The following SPG7 variants were observed in gnomAD, a reference collection of about 807,000 sequenced individuals.
The protein encoded by SPG7 is SPG7 matrix AAA peptidase subunit, paraplegin.
In SPG7, 103 loss-of-function variants were observed where a neutral mutation model predicts 81.9. That is an observed-to-expected ratio of 1.26 (90% confidence interval 1.07 to 1.48). SPG7 has a LOEUF of 1.48. SPG7 is among the 40% of genes most tolerant of loss of function. The pLI, the probability that SPG7 is intolerant of heterozygous loss-of-function variation, is 0.00. For missense variants in SPG7, 1,241 were observed against 1,087.3 expected (o/e 1.14, Z -1.99); for synonymous variants, 534 against 444.2 (o/e 1.20, Z -2.54).
chr16:89,555,436 AC>A (rs2058677479), intron 16 of SPG7: 1 of 156,620 alleles, frequency 6.4e-6, no homozygotes, highest in Non-Finnish European at 1.4e-5. Context: ...GCTCCCTGCC[AC>A]CCTGCCTCGC....
rs763745195 is a variant in SPG7 at position 89,529,571 on chromosome 16, A to G, written c.853A>G (p.Ser285Gly). Reference protein sequence around the residue: ...AGMTGREGGFSAFNQLKMARF... With the variant: ...AGMTGREGGFGAFNQLKMARF... ...GATGACTGGAAGGGAAGGTGGATTC[A>G]GTGCTTTTGTAAGTTCTGTAAATCA... The change falls in exon 6 of 17, where the codon AGT (serine) becomes GGT (glycine). Residue 285 changes from serine to glycine, a missense_variant. By Grantham distance (56) the Ser-to-Gly change is moderately conservative. Transcript: ENST00000645818. 9 of 1,611,494 alleles carry G rather than the reference A, an allele frequency of 5.6e-6. No individual in the cohort carries two copies. The South Asian group carries it at 9.9e-5, about 18-fold the overall frequency.
intron 10 of SPG7, chr16:89,544,988 C>T (rs1156822000): frequency 2.9e-5 from 18 of 614,130 alleles, no homozygotes; most frequent in Middle Eastern, 4.4e-4. Context: ...ATTGGCTGCA[C>T]GCCCCCTGGC....
In SPG7 at chr16:89,524,144, A is replaced by C; in HGVS notation, c.515A>C (p.His172Pro). The C allele has an allele frequency of 6.2e-7, 1 of 1,614,124 alleles. No homozygotes were observed. The highest frequency in any genetic ancestry group is 8.5e-7 in the Non-Finnish European group (1 of 1,180,028). ...AGCATTTCCTGGAACGACTTTGTCC[A>C]CGAGATGCTGGCCAAGGGCGAGGTG... Reference protein sequence around the residue: ...GGSISWNDFVHEMLAKGEVQR... With the variant: ...GGSISWNDFVPEMLAKGEVQR... Residue 172 changes from histidine (H) to proline (P), a missense_variant, in exon 4 of 17, where the codon CAC becomes CCC. Coordinates refer to ENST00000645818, the MANE Select transcript of SPG7 (RefSeq NM_003119.4).
intron 5 of SPG7, 117 bp from the exon 6 acceptor site, chr16:89,529,360 A>G (rs935741391): frequency 5.5e-6 from 4 of 730,882 alleles, no homozygotes; most frequent in African/African-American, 3.5e-5. Context: ...TCGGTCCCAG[A>G]CGTAGGGATT....
intron 9 of SPG7, chr16:89,541,146 TACGCAGAA>T (rs2058491043): frequency 2.1e-6 from 2 of 974,106 alleles, no homozygotes; most frequent in Admixed American, 6.7e-5. Context: ...CACGGTGTTC[TACGCAGAA>T]ATAGAAGAGC....
intron 9 of SPG7, among the ~76,000 whole-genome samples, chr16:89,535,057 C>T (rs2058394025): frequency 1.3e-5 from 2 of 152,200 alleles, no homozygotes; most frequent in South Asian, 4.1e-4. Flanking sequence ...GTGACTGTGA[C>T]ACTGTACAGG....
In SPG7 at chr16:89,531,914, G is replaced by T. The variant is rs774963488; in HGVS notation, c.998G>T (p.Arg333Leu). ...TCTGCTGCCGTCCAGAGCCCAGAAC[G>T]CTTCCTCCAGCTTGGCGCCAAGGTC... ...EFVDYLKSPE[R>L]FLQLGAKVPK... The change falls in exon 8 of 17, where the codon CGC (arginine) becomes CTC (leucine). Residue 333 changes from arginine (R) to leucine (L), a missense_variant. Coordinates refer to ENST00000645818, the MANE Select transcript of SPG7 (RefSeq NM_003119.4). The T allele has an allele frequency of 6.2e-7, 1 of 1,614,102 alleles. No individual in the cohort carries two copies. Among genetic ancestry groups the T allele is most frequent in the Admixed American group, 1.7e-5 (1 of 60,026 alleles).
At position 89,557,061 on chromosome 16, in the gene SPG7, C is replaced by T. The variant is rs756722955; in HGVS notation, c.2356C>T (p.Leu786Phe). The T allele has an allele frequency of 6.2e-7, 1 of 1,612,182 alleles. No homozygotes were observed. The highest frequency in any genetic ancestry group is 8.5e-7 in the Non-Finnish European group (1 of 1,179,990). The stretch of plus-strand genomic sequence containing the variant: ...GACCGAAGAGACCCAGCAGCCTCCA[C>T]TTGGAGGCGAAGAGCCGACTTGGCC... The part of the protein sequence containing the change: ...EETEETQQPP[L>F]GGEEPTWPK Residue 786 changes from leucine to phenylalanine, a missense_variant, in exon 17 of 17, where the codon CTT becomes TTT. Physicochemically the swap from Leu to Phe is conservative, Grantham distance 22. Transcript: ENST00000645818.
chr16:89,544,511 A>C (rs1352180630), intron 9 of SPG7, 137 bp from the exon 10 acceptor site: 1 of 997,102 alleles, frequency 1.0e-6, no homozygotes, highest in African/African-American at 1.6e-5. Context: ...CCTAGTTCAG[A>C]AGGACCGGGC....
At chr16:89,552,813 GC>G in intron 13 of SPG7, 165 bp from the exon 14 acceptor site, 1 of 682,884 alleles carries the variant, frequency 1.5e-6, no homozygotes, top group Non-Finnish European at 2.6e-6. Flanking sequence ...CTGTCTCTGG[GC>G]TGGCCATCTA....
At chr16:89,530,319 G>T (rs1001101240) in intron 6 of SPG7, 12 of 342,734 alleles carry the variant, frequency 3.5e-5, no homozygotes, top group Non-Finnish European at 6.8e-5. Context: ...TAATTTTTTT[G>T]TATTTTTGGT....
At chr16:89,546,933 C>T in intron 11 of SPG7, 173 bp downstream of exon 11, 1 of 632,800 alleles carries the variant, frequency 1.6e-6, no homozygotes, top group Non-Finnish European at 2.9e-6. Context: ...AGCAGGAGGT[C>T]CAGACGGCAC....
intron 1 of SPG7, among the ~76,000 whole-genome samples, chr16:89,509,472 A>G (rs1241936730): frequency 3.9e-5 from 6 of 152,154 alleles, no homozygotes; most frequent in South Asian, 2.1e-4. Flanking sequence ...GATGGTCTCC[A>G]TCTCTTGACC....
intron 1 of SPG7, 33 bp downstream of exon 1, chr16:89,508,633 C>T (rs984573627): frequency 2.1e-6 from 3 of 1,428,306 alleles, no homozygotes; most frequent in East Asian, 5.5e-5. Context: ...CCCCACCTCC[C>T]GCCCGGCTCT....
rs2058041237 is a variant in SPG7 at position 89,512,953 on chromosome 16, A to G, written c.292A>G (p.Thr98Ala). Residue 98 changes from threonine (T) to alanine (A), a missense_variant, in exon 3 of 17, where the codon ACT (threonine) becomes GCT (alanine). Thr to Ala is a moderately conservative substitution (Grantham distance 58, BLOSUM62 0). Transcript: ENST00000645818. ...PVRLWQLLGG[T>A]FYFNTSRLKQ... is the part of the protein sequence containing the mutation. ...CCTTTCTCTATTTCTCATAGGTGGT[A>G]CTTTCTATTTTAACACCTCAAGGTT... 6.2e-7 allele frequency: 1 copy of G among 1,613,202 alleles called. No individual in the cohort carries two copies. Among genetic ancestry groups the G allele is most frequent in the South Asian group, 1.1e-5 (1 of 91,068 alleles).
intron 12 of SPG7, chr16:89,548,350 C>A: frequency 8.1e-6 from 4 of 495,080 alleles, no homozygotes; most frequent in Non-Finnish European, 7.2e-6. Flanking sequence ...AAATGCCTTG[C>A]CAAAGAAAGT....
chr16:89,532,289 A>G (rs1360172075), intron 8 of SPG7, among the ~76,000 whole-genome samples, 174 bp from the exon 9 acceptor site: 1 of 152,218 alleles, frequency 6.6e-6, no homozygotes, highest in Non-Finnish European at 1.5e-5. Flanking sequence ...GGTGCGTGTG[A>G]ACCCTGAGGG....
intron 9 of SPG7, chr16:89,537,766 G>T (rs2058445842): frequency 1.0e-6 from 1 of 985,468 alleles, no homozygotes; most frequent in Non-Finnish European, 1.2e-6. Flanking sequence ...CAGGCTCCCA[G>T]TGTCTGGGCA....
intron 14 of SPG7, chr16:89,553,528 G>A (rs1479214830): frequency 3.6e-6 from 2 of 553,460 alleles, no homozygotes; most frequent in East Asian, 3.1e-5. Flanking sequence ...GCCTGGGCTT[G>A]TGCTTGAGAA....
Sources: gnomAD v4.1 joint callset for allele counts (sites outside exome capture counted in the v4.1 genomes callset) on GRCh38, gnomAD v4.1.1 for gene constraint, MANE v1.5 for transcripts, NCBI Gene and HGNC (gene_info 2026-07-23, HGNC 2026-07-21) for gene names.